Variants in NTRK3 observed in about 807,000 individuals in gnomAD.
NTRK3 encodes neurotrophic receptor tyrosine kinase 3.
A neutral mutation model predicts 91.7 loss-of-function variants in NTRK3; 24 were observed. The ratio of observed to expected loss-of-function variants is 0.26; its 90% confidence interval spans 0.19 to 0.37. The LOEUF (loss-of-function observed/expected upper bound fraction) is 0.37. Among genes scored for constraint, NTRK3 ranks in the 10% least tolerant of loss-of-function variants. The probability of loss-of-function intolerance (pLI) is 1.00; values close to 1 mark genes in which losing one functional copy is unlikely to be tolerated. For missense variants in NTRK3, 880 were observed against 1,068.9 expected (o/e 0.82, Z 2.46); for synonymous variants, 483 against 404.0 (o/e 1.20, Z -2.34).
rs553061893 is a variant in NTRK3 at position 88,154,288 on chromosome 15, G to C, written c.396-6885C>G. 8.5e-5 allele frequency among the ~76,000 whole-genome samples: 13 copies of C among 152,208 alleles called. No individual in the cohort carries two copies. In the South Asian group the frequency reaches 2.7e-3, roughly 32 times the overall value. On this transcript the variant is annotated intron_variant, in intron 5 of 18. Transcript: ENST00000394480. The stretch of plus-strand genomic sequence containing the variant: ...CTACCACCAAAGGAGCTGTTAGGGG[G>C]CTGCCGCCAGCCTCCTTGGGTTGAA...
chr15:87,943,160 G>C (rs1328981096), intron 14 of NTRK3, among the ~76,000 whole-genome samples: 1 of 152,132 alleles, frequency 6.6e-6, no homozygotes, highest in Non-Finnish European at 1.5e-5. Context: ...GCATTTCTAA[G>C]TTCCCAGGTG....
intron 13 of NTRK3, among the ~76,000 whole-genome samples, chr15:88,067,622 C>T (rs904806831): frequency 3.3e-5 from 5 of 152,248 alleles, no homozygotes; most frequent in Non-Finnish European, 5.9e-5. Flanking sequence ...TCAGAGAGGA[C>T]GTGGGAGGGG....
intron 3 of NTRK3, among the ~76,000 whole-genome samples, chr15:88,228,565 C>T (rs1019157462): frequency 1.3e-5 from 2 of 152,196 alleles, no homozygotes; most frequent in African/African-American, 4.8e-5. Flanking sequence ...ACTCAGATCC[C>T]ACCACAGCCT....
intron 5 of NTRK3, among the ~76,000 whole-genome samples, chr15:88,176,351 G>T (rs961763070): frequency 1.3e-5 from 2 of 152,006 alleles, no homozygotes; most frequent in African/African-American, 4.8e-5. Flanking sequence ...TGGTCAGAAT[G>T]GTCTCGATCT....
chr15:88,145,957 A>G (rs1396291217), intron 6 of NTRK3, among the ~76,000 whole-genome samples: 1 of 152,186 alleles, frequency 6.6e-6, no homozygotes, highest in Non-Finnish European at 1.5e-5. Context: ...ACACACTGCC[A>G]CTATTCAGTG....
At chr15:87,951,521 G>A (rs1410922583) in intron 14 of NTRK3, among the ~76,000 whole-genome samples, 1 of 152,180 alleles carries the variant, frequency 6.6e-6, no homozygotes, top group Non-Finnish European at 1.5e-5. Flanking sequence ...CAGAAGAAAA[G>A]CTTGCTGGCC....
intron 14 of NTRK3, among the ~76,000 whole-genome samples, chr15:87,980,372 T>C (rs56193980): frequency 0.6 from 90,887 of 151,320 alleles, 28,063 homozygotes; most frequent in East Asian, 0.78. Context: ...TGTTTCCATG[T>C]GTGTATCTGT....
chr15:87,933,624 C>T (rs1217660248), intron 15 of NTRK3, among the ~76,000 whole-genome samples: 6 of 152,256 alleles, frequency 3.9e-5, no homozygotes, highest in African/African-American at 1.4e-4. Flanking sequence ...TAGTCACATG[C>T]TCATAGCCTA....
At chr15:88,196,171 T>G (rs986825858) in intron 3 of NTRK3, among the ~76,000 whole-genome samples, 3 of 152,156 alleles carry the variant, frequency 2.0e-5, no homozygotes, top group African/African-American at 7.2e-5. Flanking sequence ...GCTCCAAAGC[T>G]TGGGGCATTT....
chr15:87,979,132 C>A, intron 14 of NTRK3: 1 of 612,622 alleles, frequency 1.6e-6, no homozygotes, highest in Non-Finnish European at 2.9e-6. Flanking sequence ...AAAAGGAGCA[C>A]AGTGATGATT....
chr15:88,118,942 G>A (rs1191470339), intron 13 of NTRK3, among the ~76,000 whole-genome samples: 1 of 152,224 alleles, frequency 6.6e-6, no homozygotes, highest in Non-Finnish European at 1.5e-5. Flanking sequence ...AAGCATAGTG[G>A]TCATCCTTGG....
intron 14 of NTRK3, among the ~76,000 whole-genome samples, chr15:87,994,232 C>T (rs968647332): frequency 2.0e-4 from 31 of 152,134 alleles, no homozygotes; most frequent in African/African-American, 7.5e-4. Flanking sequence ...AAATAGGGAA[C>T]TGTTAGGGAT....
At chr15:88,100,540 C>G (rs1471745697) in intron 13 of NTRK3, among the ~76,000 whole-genome samples, 2 of 152,124 alleles carry the variant, frequency 1.3e-5, no homozygotes, top group Admixed American at 6.5e-5. Flanking sequence ...TGATAGCAGA[C>G]AGCAGTGCAG....
At chr15:87,888,701 A>G (rs2065685099) in intron 17 of NTRK3, among the ~76,000 whole-genome samples, 1 of 152,206 alleles carries the variant, frequency 6.6e-6, no homozygotes, top group Non-Finnish European at 1.5e-5. Flanking sequence ...TTTCAGTTGA[A>G]CAACATTTTA....
At chr15:88,170,548 C>G (rs988859466) in intron 5 of NTRK3, among the ~76,000 whole-genome samples, 1 of 152,184 alleles carries the variant, frequency 6.6e-6, no homozygotes, top group African/African-American at 2.4e-5. Flanking sequence ...GTACAGGCAA[C>G]AGTTTTGTAC....
At chr15:88,018,037 T>A (rs914249855) in intron 14 of NTRK3, among the ~76,000 whole-genome samples, 4 of 152,106 alleles carry the variant, frequency 2.6e-5, no homozygotes, top group Non-Finnish European at 4.4e-5. Context: ...GGGTGACAAA[T>A]CAAGCTACAG....
chr15:88,170,725 C>T (rs2045429928), intron 5 of NTRK3, among the ~76,000 whole-genome samples: 1 of 152,148 alleles, frequency 6.6e-6, no homozygotes, highest in Non-Finnish European at 1.5e-5. Context: ...GATCAGGGTC[C>T]CAACAGGCCC....
intron 14 of NTRK3, among the ~76,000 whole-genome samples, chr15:87,952,469 C>G (rs1310957745): frequency 6.6e-6 from 1 of 152,080 alleles, no homozygotes; most frequent in East Asian, 1.9e-4. Context: ...TGCAGTGGAG[C>G]GCTGGTGATC....
intron 13 of NTRK3, among the ~76,000 whole-genome samples, chr15:88,087,402 C>G (rs1037903297): frequency 5.9e-5 from 9 of 152,160 alleles, no homozygotes; most frequent in African/African-American, 2.2e-4. Context: ...CATTTTGCCC[C>G]CACTGTGCCC....
Sources: allele counts gnomAD v4.1 joint callset (sites outside exome capture counted in the v4.1 genomes callset), GRCh38; gene constraint gnomAD v4.1.1; transcripts MANE v1.5; gene names NCBI Gene and HGNC (gene_info 2026-07-23, HGNC 2026-07-21).